The following MID1 variants were observed in gnomAD, a reference collection of about 807,000 sequenced individuals.
MID1 encodes the protein midline 1, also known as E3 ubiquitin-protein ligase Midline-1.
In MID1, 7 loss-of-function variants were observed where a neutral mutation model predicts 40.4. The observed-to-expected ratio is 0.17, with a 90% CI of 0.10 to 0.33. MID1 has a LOEUF of 0.33. Among genes scored for constraint, MID1 ranks in the 10% least tolerant of loss-of-function variants. The pLI is 1.00. For missense variants in MID1, 367 were observed against 558.5 expected, an observed-to-expected ratio of 0.66 and a Z score of 3.46; for synonymous variants, 229 against 221.2, an observed-to-expected ratio of 1.04 and a Z score of -0.31.
chrX:10,466,525 T>C (rs1402770256), intron 7 of MID1, among the ~76,000 whole-genome samples: 1 of 111,333 alleles, frequency 9.0e-6, no homozygotes, highest in Non-Finnish European at 1.9e-5. Context: ...TCTCTGTTGT[T>C]GGGGGATTTC....
chrX:10,456,247 A>G (rs112313808), intron 8 of MID1, among the ~76,000 whole-genome samples: 3,278 of 112,279 alleles, frequency 0.029, 105 homozygotes, highest in African/African-American at 0.1. Context: ...TACAAACACA[A>G]CACAACACCA....
chrX:10,601,470 A>G (rs759910101), intron 1 of MID1, among the ~76,000 whole-genome samples: 2 of 112,579 alleles, frequency 1.8e-5, no homozygotes, highest in Non-Finnish European at 3.8e-5. Flanking sequence ...GAACACAGTT[A>G]CCTCCAATTG....
chrX:10,573,899 C>G (rs1393061336), intron 1 of MID1, among the ~76,000 whole-genome samples: 1 of 111,511 alleles, frequency 9.0e-6, no homozygotes, highest in African/African-American at 3.3e-5. Context: ...TGGGATTTAT[C>G]CTCTTCCCTC....
chrX:10,475,012 G>A lies in MID1; in HGVS notation c.1014-262C>T, dbSNP rs772757419. 4.7e-5 allele frequency: 19 copies of A among 403,754 alleles called. No homozygotes were observed. The Middle Eastern group carries it at 5.3e-3, about 112-fold the overall frequency. 33.3% of individuals were successfully genotyped at this position (403,754 alleles called of 1,213,427 possible). A position where few individuals can be genotyped will look rare whatever the true frequency, so the allele number is the denominator to read the frequency against. On this transcript the variant is annotated intron_variant, in intron 5 of 9. Transcript: ENST00000317552. The stretch of plus-strand genomic sequence containing the variant: ...ACTATCAGGAAAAAAAATTCCCTGC[G>A]AAAGCAAAAGAATATTCATATTTCA...
chrX:10,642,517 C>T (rs1936211227), intron 1 of MID1, among the ~76,000 whole-genome samples: 1 of 109,732 alleles, frequency 9.1e-6, no homozygotes, highest in Non-Finnish European at 1.9e-5. Context: ...TAAAAGAGGA[C>T]ACAAACAAAT....
chrX:10,491,372 T>A (rs1020361403), intron 4 of MID1, among the ~76,000 whole-genome samples: 1 of 111,043 alleles, frequency 9.0e-6, no homozygotes, highest in African/African-American at 3.3e-5. Flanking sequence ...CTGTTGTGCT[T>A]TTTCTAGCTT....
At chrX:10,674,313 G>A (rs1466822160) in intron 1 of MID1, among the ~76,000 whole-genome samples, 5 of 112,153 alleles carry the variant, frequency 4.5e-5, no homozygotes, top group Admixed American at 9.5e-5. Context: ...AGAGTTTTTC[G>A]TTGTTGCTGA....
At chrX:10,759,078 C>G (rs2043657027) in intron 1 of MID1, among the ~76,000 whole-genome samples, 1 of 111,663 alleles carries the variant, frequency 9.0e-6, no homozygotes, top group African/African-American at 3.3e-5. Context: ...GAAAATACTC[C>G]TTTTTCAATG....
At chrX:10,631,513 G>C (rs1211731126) in intron 1 of MID1, among the ~76,000 whole-genome samples, 1 of 111,543 alleles carries the variant, frequency 9.0e-6, no homozygotes, top group East Asian at 2.8e-4. Flanking sequence ...CTTAACCATA[G>C]AACTATGAGG....
At chrX:10,484,707 C>T (rs556111065) in intron 4 of MID1, among the ~76,000 whole-genome samples, 7 of 111,945 alleles carry the variant, frequency 6.3e-5, no homozygotes, top group African/African-American at 1.3e-4. Context: ...TTTGGGTCTA[C>T]GCTCCAATAT....
At chrX:10,458,693 A>C in intron 8 of MID1, among the ~76,000 whole-genome samples, 1 of 111,860 alleles carries the variant, frequency 8.9e-6, no homozygotes, top group East Asian at 2.8e-4. Flanking sequence ...TCTCATTCGT[A>C]ATTCAGTGCT....
At chrX:10,649,962 G>C (rs1936300413) in intron 1 of MID1, among the ~76,000 whole-genome samples, 1 of 111,600 alleles carries the variant, frequency 9.0e-6, no homozygotes, top group Non-Finnish European at 1.9e-5. Flanking sequence ...ACTTTAAAAA[G>C]TATATGAAAA....
chrX:10,605,261 T>C (rs1935603286), intron 1 of MID1, among the ~76,000 whole-genome samples: 1 of 112,032 alleles, frequency 8.9e-6, no homozygotes. Context: ...CTTTGCTATA[T>C]AACTCTAAAA....
intron 1 of MID1, among the ~76,000 whole-genome samples, chrX:10,578,948 G>T (rs142704841): frequency 8.9e-6 from 1 of 112,299 alleles, no homozygotes; most frequent in African/African-American, 3.2e-5. Context: ...TCTGTATAAA[G>T]TCCTATATAT....
In MID1 at chrX:10,481,101, C is replaced by T. The variant is rs544468776; in HGVS notation, c.1013+1379G>A. On this transcript the variant is annotated intron_variant, in intron 5 of 9. Transcript: ENST00000317552. ...ATGGTTTTATTGGCACACAGCCACA[C>T]CCATTTGTTTCTATATTATCTATGG... is the stretch of plus-strand genomic sequence containing the variant. Among the ~76,000 whole-genome samples the T allele has an allele frequency of 2.7e-5, 3 of 112,122 alleles. No individual in the cohort carries two copies. In the East Asian group the frequency reaches 8.4e-4, roughly 31 times the overall value.
At chrX:10,702,128 A>G in intron 1 of MID1, among the ~76,000 whole-genome samples, 1 of 112,869 alleles carries the variant, frequency 8.9e-6, no homozygotes, top group Non-Finnish European at 1.9e-5. Context: ...TCCCAACTGC[A>G]CAGAACTGTA....
chrX:10,545,038 C>A (rs768806302), intron 2 of MID1, among the ~76,000 whole-genome samples: 21 of 110,645 alleles, frequency 1.9e-4, no homozygotes, highest in African/African-American at 6.6e-4. Context: ...CTCACTGCAA[C>A]CTCCACCTAC....
At chrX:10,765,932 GGAAAGGAAAGGAAAGAAAGAAA>G (rs1439829519) in intron 1 of MID1, among the ~76,000 whole-genome samples, 9 of 70,851 alleles carry the variant, frequency 1.3e-4, no homozygotes, top group African/African-American at 5.0e-4. Flanking sequence ...AGAAAGGAAA[GGAAAGGAAAGGAAAGAAAGAAA>G]GAAAGAAAGA....
At chrX:10,614,100 A>G (rs1258306135) in intron 1 of MID1, among the ~76,000 whole-genome samples, 1 of 110,752 alleles carries the variant, frequency 9.0e-6, no homozygotes, top group African/African-American at 3.3e-5. Flanking sequence ...GCTCTGGAGT[A>G]ACTCAGTTCC....
Sources: allele counts gnomAD v4.1 joint callset (sites outside exome capture counted in the v4.1 genomes callset), GRCh38; gene constraint gnomAD v4.1.1; transcripts MANE v1.5; gene names NCBI Gene and HGNC (gene_info 2026-07-23, HGNC 2026-07-21).